PCSK5: variants seen among roughly 807,000 people sequenced by gnomAD.
PCSK5 encodes proprotein convertase subtilisin/kexin type 5.
In PCSK5, 129 loss-of-function variants were observed where a neutral mutation model predicts 233.2. The ratio of observed to expected loss-of-function variants is 0.55; its 90% CI spans 0.48 to 0.64. The LOEUF (loss-of-function observed/expected upper bound fraction) is 0.64, where lower values mean the gene tolerates loss of function less well. Among genes scored for constraint, PCSK5 ranks in the 30% least tolerant of loss-of-function variants. The pLI, the probability that PCSK5 is intolerant of heterozygous loss-of-function variation, is 0.00. For synonymous variants in PCSK5, 825 were observed against 879.2 expected, an observed-to-expected ratio of 0.94 and a Z score of 1.09; for missense variants, 2,076 against 2,430.1, an observed-to-expected ratio of 0.85 and a Z score of 3.06.
chr9:76,292,269 AT>A lies in PCSK5; in HGVS notation c.3181del (p.Tyr1061ThrfsTer47). On this transcript the variant is annotated frameshift_variant, in exon 25 of 38. Transcript: ENST00000674117. LOFTEE classifies it high-confidence loss of function. ...ACATGTACATCTTGCGCTATGGGGTATTACAGGTAAGTCTGGTCTTCCTTTT... is the reference window on the plus strand; with the variant it reads ...ACATGTACATCTTGCGCTATGGGGTATACAGGTAAGTCTGGTCTTCCTTTT... The part of the protein sequence containing the change: ...PGTCTSCAMG[Y>X]YRFDHHCYKT... The A allele has an allele frequency of 6.4e-7, 1 of 1,572,850 alleles. No individual in the cohort carries two copies. The highest frequency in any genetic ancestry group is 8.7e-7 in the Non-Finnish European group (1 of 1,144,166).
At chr9:76,245,562 C>T (rs922664956) in intron 24 of PCSK5, among the ~76,000 whole-genome samples, 1 of 151,862 alleles carries the variant, frequency 6.6e-6, no homozygotes, top group African/African-American at 2.4e-5. Context: ...TATATTTGGA[C>T]AATAGCAGGA....
chr9:76,232,321 C>T (rs984524637), intron 21 of PCSK5, among the ~76,000 whole-genome samples: 10 of 152,282 alleles, frequency 6.6e-5, no homozygotes, highest in South Asian at 2.1e-4. Flanking sequence ...ATTATGCCCA[C>T]GGGAGCTTGC....
chr9:76,308,417 G>T (rs1001858337), intron 28 of PCSK5, among the ~76,000 whole-genome samples: 17 of 152,156 alleles, frequency 1.1e-4, no homozygotes, highest in African/African-American at 4.1e-4. Flanking sequence ...CATTCGTGTG[G>T]TATCTTTCTT....
rs143933866 is a variant in PCSK5 at position 76,239,928 on chromosome 9, A to G, written c.3074-688A>G. ...GTCAAAGGAAGAGCACAGCATCAAG[A>G]CAGAGTGGCTTTGAGAAGCCAGTGA... is the stretch of plus-strand genomic sequence containing the variant. On this transcript the variant is annotated intron_variant, in intron 23 of 37. Transcript: ENST00000674117. 2.7e-3 allele frequency among the ~76,000 whole-genome samples: 410 copies of G among 152,274 alleles called. 1 individual carries two copies. The highest frequency in any genetic ancestry group is 9.2e-3 in the African/African-American group (384 of 41,544).
chr9:76,185,539 T>C (rs377166231), intron 17 of PCSK5, among the ~76,000 whole-genome samples: 2 of 152,320 alleles, frequency 1.3e-5, no homozygotes, highest in East Asian at 3.9e-4. Flanking sequence ...TCTTCACCAT[T>C]AACCAGTATT....
intron 35 of PCSK5, among the ~76,000 whole-genome samples, chr9:76,349,065 A>G (rs1338039796): frequency 6.6e-6 from 1 of 151,824 alleles, no homozygotes; most frequent in Non-Finnish European, 1.5e-5. Context: ...AGGTGATGAG[A>G]TCGAGACCAT....
chr9:76,151,050 T>C (rs1823654132), intron 10 of PCSK5, among the ~76,000 whole-genome samples: 1 of 151,090 alleles, frequency 6.6e-6, no homozygotes, highest in Non-Finnish European at 1.5e-5. Flanking sequence ...ACATTATGCG[T>C]GTGGGACGTG....
At chr9:76,335,003 T>C (rs1829636770) in intron 34 of PCSK5, among the ~76,000 whole-genome samples, 1 of 151,396 alleles carries the variant, frequency 6.6e-6, no homozygotes, top group East Asian at 2.0e-4. Flanking sequence ...GCTTGAACCT[T>C]GGAGGTGAAG....
intron 3 of PCSK5, among the ~76,000 whole-genome samples, chr9:75,991,238 A>G (rs1826756571): frequency 6.6e-6 from 1 of 152,206 alleles, no homozygotes; most frequent in Non-Finnish European, 1.5e-5. Flanking sequence ...GACAGGCATT[A>G]GAATCACCTG....
chr9:76,165,462 G>C (rs766782581), intron 12 of PCSK5, among the ~76,000 whole-genome samples: 1 of 152,160 alleles, frequency 6.6e-6, no homozygotes, highest in South Asian at 2.1e-4. Flanking sequence ...GGGAAATAAA[G>C]CTTACAGTAA....
At chr9:75,962,111 T>A (rs1340511) in intron 2 of PCSK5, among the ~76,000 whole-genome samples, 120,200 of 149,784 alleles carry the variant, frequency 0.8, 47,615 homozygotes, top group Admixed American at 0.83. Context: ...GTCTGCAGGG[T>A]GGTGCTCAAG....
intron 9 of PCSK5, among the ~76,000 whole-genome samples, chr9:76,133,901 A>T (rs1230932341): frequency 6.6e-6 from 1 of 151,986 alleles, no homozygotes; most frequent in African/African-American, 2.4e-5. Flanking sequence ...TTAAGGTTAC[A>T]TTTTCTGCCT....
chr9:75,980,724 A>G (rs965802875), intron 2 of PCSK5, among the ~76,000 whole-genome samples: 4 of 150,858 alleles, frequency 2.7e-5, no homozygotes, highest in African/African-American at 9.8e-5. Context: ...CTTGTCTAAC[A>G]AATGCTTTTG....
At chr9:76,141,641 C>A (rs1252280544) in intron 10 of PCSK5, among the ~76,000 whole-genome samples, 1 of 152,124 alleles carries the variant, frequency 6.6e-6, no homozygotes, top group Non-Finnish European at 1.5e-5. Context: ...CTAGCCTCCT[C>A]CTGCTGTGGC....
chr9:76,107,878 A>T (rs991981257), intron 9 of PCSK5, among the ~76,000 whole-genome samples: 2 of 152,224 alleles, frequency 1.3e-5, no homozygotes, highest in Non-Finnish European at 2.9e-5. Flanking sequence ...CCTTTAGGCT[A>T]TTTGTAAATA....
At chr9:76,289,517 T>TACACACACACACAC (rs138282168) in intron 24 of PCSK5, among the ~76,000 whole-genome samples, 27 of 119,452 alleles carry the variant, frequency 2.3e-4, no homozygotes, top group South Asian at 9.2e-4. Context: ...ACACGCAACA[T>TACACACACACACAC]ACACACACAC....
At chr9:75,996,250 A>C (rs1171451576) in intron 3 of PCSK5, among the ~76,000 whole-genome samples, 1 of 152,176 alleles carries the variant, frequency 6.6e-6, no homozygotes, top group Non-Finnish European at 1.5e-5. Flanking sequence ...TAATGCATTT[A>C]TTTATTCATT....
chr9:76,204,765 CAAAT>C (rs1430204748), intron 20 of PCSK5, among the ~76,000 whole-genome samples: 1 of 152,066 alleles, frequency 6.6e-6, no homozygotes, highest in Non-Finnish European at 1.5e-5. Context: ...TTTTAATGAA[CAAAT>C]GAATGAATAA....
chr9:76,328,083 C>A lies in PCSK5; in HGVS notation c.4414C>A (p.Pro1472Thr). The change falls in exon 33 of 38, where the codon CCT becomes ACT. Residue 1472 changes from proline to threonine, a missense_variant. Pro to Thr is a conservative substitution (Grantham distance 38). Coordinates refer to ENST00000674117, the MANE Select transcript of PCSK5 (RefSeq NM_001372043.1). ...TTCQKGLIMN[P>T]RGSCMANEKC... is the part of the protein sequence containing the mutation. ...CTGTCAGAAAGGCCTGATCATGAAC[C>A]CTCGTGGGAGCTGCATGGCCAACGA... The A allele has an allele frequency of 4.3e-6, 7 of 1,612,854 alleles. No individual in the cohort carries two copies. The highest frequency in any genetic ancestry group is 5.9e-6 in the Non-Finnish European group (7 of 1,179,842).
Sources: allele counts gnomAD v4.1 joint callset (sites outside exome capture counted in the v4.1 genomes callset), GRCh38; gene constraint gnomAD v4.1.1; transcripts MANE v1.5; gene names NCBI Gene and HGNC (gene_info 2026-07-23, HGNC 2026-07-21).